Variants in TMEM45B observed in about 807,000 individuals in gnomAD.
The protein encoded by TMEM45B is transmembrane protein 45B.
In TMEM45B, 29 loss-of-function variants were observed where a neutral mutation model predicts 27.3. The ratio of observed to expected loss-of-function variants is 1.06; its 90% CI spans 0.79 to 1.45. The LOEUF (loss-of-function observed/expected upper bound fraction) is 1.45, where lower values mean the gene tolerates loss of function less well. Among genes scored for constraint, TMEM45B ranks in the 40% most tolerant of loss-of-function variants. The probability of loss-of-function intolerance (pLI) is 0.00; values close to 1 mark genes in which losing one functional copy is unlikely to be tolerated. For synonymous variants in TMEM45B, 143 were observed against 134.7 expected (o/e 1.06, Z -0.43); for missense variants, 348 against 343.9 (o/e 1.01, Z -0.09).
intron 5 of TMEM45B, 80 bp from the exon 6 acceptor site, chr11:129,858,494 A>G: frequency 1.1e-6 from 1 of 901,748 alleles, no homozygotes; most frequent in Non-Finnish European, 1.7e-6. Context: ...TAGTTTAAGA[A>G]TCAGTAGATG....
At chr11:129,830,077 T>A (rs1039709184) in intron 1 of TMEM45B, among the ~76,000 whole-genome samples, 1 of 152,228 alleles carries the variant, frequency 6.6e-6, no homozygotes. Context: ...ACACCTGTAA[T>A]CCCAGCACTT....
At chr11:129,821,889 C>T (rs1356847197) in intron 1 of TMEM45B, among the ~76,000 whole-genome samples, 5 of 151,928 alleles carry the variant, frequency 3.3e-5, no homozygotes, top group Non-Finnish European at 5.9e-5. Flanking sequence ...GGGAGGTATC[C>T]GTCACTGTCC....
intron 1 of TMEM45B, among the ~76,000 whole-genome samples, chr11:129,834,860 T>C (rs553406609): frequency 6.6e-6 from 1 of 151,230 alleles, no homozygotes; most frequent in East Asian, 1.9e-4. Flanking sequence ...TCTTAGAGAA[T>C]ACATGTATCA....
chr11:129,856,807 C>T (rs1565375254), intron 4 of TMEM45B, among the ~76,000 whole-genome samples: 1 of 151,660 alleles, frequency 6.6e-6, no homozygotes, highest in Non-Finnish European at 1.5e-5. Flanking sequence ...TATCCACCCA[C>T]CTCAGCCTCC....
At chr11:129,857,490 CCTAACT>C (rs1266169842) in intron 5 of TMEM45B, 32 bp downstream of exon 5, 3 of 1,612,604 alleles carry the variant, frequency 1.9e-6, no homozygotes, top group Non-Finnish European at 2.5e-6. Flanking sequence ...AGCTTTTCCT[CCTAACT>C]CTAAGCAGGA....
chr11:129,846,192 G>A (rs1396153582), intron 1 of TMEM45B, among the ~76,000 whole-genome samples: 1 of 152,206 alleles, frequency 6.6e-6, no homozygotes, highest in Admixed American at 6.5e-5. Flanking sequence ...GTTAGGCCAG[G>A]TGCGGTGGCT....
intron 1 of TMEM45B, among the ~76,000 whole-genome samples, chr11:129,850,944 A>AT (rs1192616823): frequency 1.3e-5 from 2 of 152,232 alleles, no homozygotes; most frequent in African/African-American, 4.8e-5. Context: ...CATATTTGTT[A>AT]TAACCCCTGG....
At chr11:129,820,568 G>T (rs1036092925) in intron 1 of TMEM45B, among the ~76,000 whole-genome samples, 3 of 152,160 alleles carry the variant, frequency 2.0e-5, no homozygotes, top group Non-Finnish European at 4.4e-5. Flanking sequence ...GATTATGTAG[G>T]TCTGGGCTGG....
At chr11:129,852,926 A>T (rs1212910507) in intron 2 of TMEM45B, 7 of 330,238 alleles carry the variant, frequency 2.1e-5, no homozygotes, top group Non-Finnish European at 3.3e-5. Context: ...GGAGCAAAAC[A>T]CCCACTGTAT....
intron 1 of TMEM45B, among the ~76,000 whole-genome samples, chr11:129,819,285 AG>A (rs1428983032): frequency 3.3e-5 from 5 of 152,230 alleles, no homozygotes; most frequent in African/African-American, 1.2e-4. Flanking sequence ...CTACAAGAAC[AG>A]AAAACCCTAC....
chr11:129,815,936 G>A (rs1242552679), intron 1 of TMEM45B, 38 bp downstream of exon 1: 81 of 1,270,764 alleles, frequency 6.4e-5, no homozygotes, highest in Non-Finnish European at 7.3e-5. Context: ...CGAACCTGGA[G>A]GAGGGCTCGA....
chr11:129,826,567 A>AAAT (rs1199881268), intron 1 of TMEM45B, among the ~76,000 whole-genome samples: 32,919 of 95,988 alleles, frequency 0.34, 8,095 homozygotes, highest in East Asian at 0.45. Flanking sequence ...AAAAAAAAAA[A>AAAT]AGGACCCTGA....
intron 1 of TMEM45B, among the ~76,000 whole-genome samples, chr11:129,848,973 A>G (rs947796536): frequency 3.9e-5 from 6 of 152,144 alleles, no homozygotes; most frequent in Admixed American, 1.3e-4. Flanking sequence ...ATCTAATACT[A>G]TCACACCGGC....
chr11:129,856,612 T>G (rs1308468373), intron 4 of TMEM45B, among the ~76,000 whole-genome samples: 1 of 136,780 alleles, frequency 7.3e-6, no homozygotes, highest in Non-Finnish European at 1.5e-5. Context: ...CAGGCTGGAG[T>G]GCAGTGGCGC....
chr11:129,823,425 G>A (rs1947444177), intron 1 of TMEM45B, among the ~76,000 whole-genome samples: 2 of 152,088 alleles, frequency 1.3e-5, no homozygotes, highest in Non-Finnish European at 2.9e-5. Flanking sequence ...TTCCTTCTTA[G>A]GCGACTTCAA....
At position 129,852,454 on chromosome 11, in the gene TMEM45B, A is replaced by G. The variant is rs778437232; in HGVS notation, c.-8-21A>G. ...TTGCTTGCTTCATTAGCCACCTAAC[A>G]GCCTTCCCCTAATTTTTTAGGTGTC... On this transcript the variant is annotated intron_variant, in intron 1 of 5. Coordinates refer to ENST00000281441, the MANE Select transcript of TMEM45B (RefSeq NM_138788.5). 14 of 1,574,782 alleles carry G rather than the reference A, an allele frequency of 8.9e-6. No individual in the cohort carries two copies. In the South Asian group the frequency reaches 1.6e-4, roughly 18 times the overall value.
chr11:129,859,578 T>C lies in TMEM45B; in HGVS notation c.*893T>C, dbSNP rs1235249993. 6.6e-6 allele frequency: 1 copy of C among 152,154 alleles called. No homozygotes were observed. The highest frequency in any genetic ancestry group is 1.9e-4 in the East Asian group (1 of 5,196). 9.4% of individuals were successfully genotyped at this position (152,154 alleles called of 1,614,324 possible). ...CACCGCGCCTATAATCCTAGCACTT[T>C]GGGAGGCCGAGGCAGGCAGATCACG... On this transcript the variant is annotated 3_prime_UTR_variant, in exon 6 of 6. Coordinates refer to ENST00000281441, the MANE Select transcript of TMEM45B (RefSeq NM_138788.5).
At chr11:129,832,242 C>T (rs1271416777) in intron 1 of TMEM45B, among the ~76,000 whole-genome samples, 1 of 146,284 alleles carries the variant, frequency 6.8e-6, no homozygotes, top group Non-Finnish European at 1.5e-5. Context: ...TGGTGGCAGG[C>T]TCCTGGAGTC....
intron 1 of TMEM45B, among the ~76,000 whole-genome samples, chr11:129,837,585 C>CCTTTTTTTTTTTTTTTTTTT (rs1947636610): frequency 1.2e-5 from 1 of 80,286 alleles, no homozygotes; most frequent in African/African-American, 4.3e-5. Flanking sequence ...CTGCACTGGG[C>CCTTTTTTTTTTTTTTTTTTT]TTTTTTTTTT....
Sources: gnomAD v4.1 joint callset for allele counts (sites outside exome capture counted in the v4.1 genomes callset) on GRCh38, gnomAD v4.1.1 for gene constraint, MANE v1.5 for transcripts, NCBI Gene and HGNC (gene_info 2026-07-23, HGNC 2026-07-21) for gene names.